GNAQ: variants seen among roughly 807,000 people sequenced by gnomAD.
The protein encoded by GNAQ is guanine nucleotide-binding protein G(q) subunit alpha.
A neutral mutation model predicts 43.9 loss-of-function variants in GNAQ; 8 were observed. The observed-to-expected ratio is 0.18, with a 90% CI of 0.11 to 0.33. The LOEUF is 0.33. Among genes scored for constraint, GNAQ ranks in the 10% least tolerant of loss-of-function variants. The probability of loss-of-function intolerance (pLI) is 1.00; values close to 1 mark genes in which losing one functional copy is unlikely to be tolerated. For synonymous variants in GNAQ, 155 were observed against 170.7 expected (o/e 0.91, Z 0.71); for missense variants, 158 against 450.8 (o/e 0.35, Z 5.88).
chr9:77,731,487 A>C (rs1825488008), intron 5 of GNAQ, among the ~76,000 whole-genome samples: 2 of 152,178 alleles, frequency 1.3e-5, no homozygotes, highest in Middle Eastern at 3.2e-3. Flanking sequence ...TGCCATGTGG[A>C]CTGAAGCCTG....
At chr9:77,853,005 A>G (rs1049585242) in intron 2 of GNAQ, among the ~76,000 whole-genome samples, 1 of 152,204 alleles carries the variant, frequency 6.6e-6, no homozygotes, top group African/African-American at 2.4e-5. Context: ...CCAGATGGAG[A>G]AAAGAACATA....
chr9:77,845,608 T>A (rs1270828369), intron 2 of GNAQ, among the ~76,000 whole-genome samples: 1 of 152,234 alleles, frequency 6.6e-6, no homozygotes, highest in East Asian at 1.9e-4. Context: ...AAGTTCACTA[T>A]AAGGCTTGTA....
chr9:77,875,834 T>C (rs1227646844), intron 2 of GNAQ, among the ~76,000 whole-genome samples: 1 of 152,144 alleles, frequency 6.6e-6, no homozygotes, highest in Non-Finnish European at 1.5e-5. Flanking sequence ...GACTAACTAG[T>C]TTAACTCACC....
intron 2 of GNAQ, among the ~76,000 whole-genome samples, chr9:77,879,582 A>G (rs1227649572): frequency 6.6e-6 from 1 of 152,228 alleles, no homozygotes; most frequent in African/African-American, 2.4e-5. Flanking sequence ...ACGTATGAGT[A>G]ATATCTGTCC....
chr9:77,743,430 C>G (rs1466992764), intron 5 of GNAQ, among the ~76,000 whole-genome samples: 7 of 152,080 alleles, frequency 4.6e-5, no homozygotes, highest in Non-Finnish European at 8.8e-5. Context: ...TTTGAACTTA[C>G]AAGTGTCTTG....
At chr9:78,016,953 G>A (rs879275791) in intron 1 of GNAQ, among the ~76,000 whole-genome samples, 5 of 151,974 alleles carry the variant, frequency 3.3e-5, no homozygotes, top group African/African-American at 4.8e-5. Flanking sequence ...GTTGTGTTAC[G>A]TTACGTTATG....
intron 1 of GNAQ, among the ~76,000 whole-genome samples, chr9:78,014,984 A>G (rs1823820348): frequency 6.6e-6 from 1 of 152,178 alleles, no homozygotes; most frequent in Non-Finnish European, 1.5e-5. Context: ...TTGTGTAACA[A>G]ACCTACCAAG....
chr9:77,945,329 A>C (rs1446972259), intron 1 of GNAQ, among the ~76,000 whole-genome samples: 1 of 152,160 alleles, frequency 6.6e-6, no homozygotes, highest in African/African-American at 2.4e-5. Context: ...AAAGTAAGAA[A>C]ATAAGTAGTT....
intron 1 of GNAQ, among the ~76,000 whole-genome samples, chr9:77,929,075 A>T (rs1027152429): frequency 1.3e-5 from 2 of 152,148 alleles, no homozygotes; most frequent in African/African-American, 2.4e-5. Context: ...CAATTTAAAA[A>T]TTTTTTTAAA....
chr9:77,797,093 C>T (rs966540635), intron 4 of GNAQ, among the ~76,000 whole-genome samples: 12 of 151,848 alleles, frequency 7.9e-5, no homozygotes, highest in African/African-American at 1.9e-4. Flanking sequence ...AGTGCAGTGG[C>T]GCAATCTCGT....
intron 5 of GNAQ, among the ~76,000 whole-genome samples, chr9:77,752,547 T>G (rs1039982693): frequency 2.0e-5 from 3 of 152,120 alleles, no homozygotes; most frequent in Admixed American, 2.0e-4. Flanking sequence ...CCTGCAGAGG[T>G]TAAGTAACTT....
intron 5 of GNAQ, among the ~76,000 whole-genome samples, chr9:77,757,318 TC>T (rs1290216921): frequency 6.6e-6 from 1 of 152,210 alleles, no homozygotes; most frequent in Non-Finnish European, 1.5e-5. Context: ...ATGACTATAC[TC>T]ATTTATCTCA....
intron 6 of GNAQ, among the ~76,000 whole-genome samples, chr9:77,722,293 T>C (rs1368480102): frequency 6.6e-6 from 1 of 152,008 alleles, no homozygotes. Context: ...CCTGCCATCA[T>C]GCTTGGCTAA....
intron 2 of GNAQ, among the ~76,000 whole-genome samples, chr9:77,855,491 T>A (rs1407940826): frequency 6.6e-6 from 1 of 152,172 alleles, no homozygotes; most frequent in Non-Finnish European, 1.5e-5. Flanking sequence ...TATATCTATA[T>A]TACTAGCCCA....
intron 2 of GNAQ, among the ~76,000 whole-genome samples, chr9:77,844,551 C>T (rs1827548720): frequency 6.6e-6 from 1 of 152,172 alleles, no homozygotes; most frequent in Admixed American, 6.5e-5. Context: ...CTGAAAATCA[C>T]AAACTGTAGG....
intron 1 of GNAQ, among the ~76,000 whole-genome samples, chr9:77,985,483 T>C (rs902025388): frequency 6.6e-6 from 1 of 152,236 alleles, no homozygotes; most frequent in Non-Finnish European, 1.5e-5. Flanking sequence ...TTGTATGTCA[T>C]TCAAATATTA....
chr9:77,835,141 G>A (rs1827363170), intron 2 of GNAQ, among the ~76,000 whole-genome samples: 2 of 151,818 alleles, frequency 1.3e-5, no homozygotes, highest in African/African-American at 4.8e-5. Context: ...GGTGGGATAG[G>A]GCAAGACTTT....
intron 1 of GNAQ, among the ~76,000 whole-genome samples, chr9:77,974,374 C>T (rs1461711771): frequency 1.3e-5 from 2 of 152,164 alleles, no homozygotes; most frequent in Admixed American, 1.3e-4. Flanking sequence ...GCTGCATGTC[C>T]AATCCTGACC....
intron 3 of GNAQ, among the ~76,000 whole-genome samples, chr9:77,811,628 A>C (rs1213044920): frequency 6.6e-6 from 1 of 152,220 alleles, no homozygotes; most frequent in South Asian, 2.1e-4. Context: ...ACACAGCAGC[A>C]AATGAGTGAC....
Sources: gnomAD v4.1 joint callset for allele counts (sites outside exome capture counted in the v4.1 genomes callset) on GRCh38, gnomAD v4.1.1 for gene constraint, MANE v1.5 for transcripts, NCBI Gene and HGNC (gene_info 2026-07-23, HGNC 2026-07-21) for gene names.